The following RBFOX1 variants were observed in gnomAD, a reference collection of about 807,000 sequenced individuals.
RBFOX1 encodes the protein RNA binding protein fox-1 homolog 1.
In RBFOX1, 8 loss-of-function variants were observed where a neutral mutation model predicts 57.7. The observed-to-expected ratio is 0.14, with a 90% confidence interval of 0.08 to 0.25. The LOEUF is 0.25. Among genes scored for constraint, RBFOX1 ranks in the 10% least tolerant of loss-of-function variants. The pLI is 1.00. For missense variants in RBFOX1, 611 were observed against 548.5 expected, an observed-to-expected ratio of 1.11 and a Z score of -1.14; for synonymous variants, 326 against 222.4, an observed-to-expected ratio of 1.47 and a Z score of -4.15.
At chr16:5,738,700 C>G (rs1201574641) in intron 3 of RBFOX1, among the ~76,000 whole-genome samples, 2 of 148,878 alleles carry the variant, frequency 1.3e-5, no homozygotes, top group African/African-American at 4.9e-5. Context: ...TGATTTCAGT[C>G]TGACTGCAGG....
intron 1 of RBFOX1, among the ~76,000 whole-genome samples, chr16:5,262,819 C>G (rs1455347902): frequency 6.6e-5 from 10 of 152,058 alleles, no homozygotes; most frequent in Admixed American, 5.2e-4. Flanking sequence ...TGAAAATATT[C>G]AAGAGGTGAA....
intron 1 of RBFOX1, among the ~76,000 whole-genome samples, chr16:5,432,555 G>GT (rs1567502943): frequency 2.3e-4 from 17 of 75,528 alleles, no homozygotes; most frequent in East Asian, 3.9e-4. Context: ...TTTTTTGTTT[G>GT]TTTGTTTTTT....
chr16:7,351,985 G>T (rs545770317), intron 4 of RBFOX1, among the ~76,000 whole-genome samples: 1 of 152,284 alleles, frequency 6.6e-6, no homozygotes, highest in South Asian at 2.1e-4. Context: ...AAAGGAAGGA[G>T]GGGCTCCTGC....
intron 2 of RBFOX1, among the ~76,000 whole-genome samples, chr16:6,396,391 A>C (rs547223100): frequency 6.6e-6 from 1 of 152,294 alleles, no homozygotes; most frequent in South Asian, 2.1e-4. Context: ...GAAATAAAAG[A>C]CAGATGTCCA....
At chr16:6,554,179 C>T (rs1466058986) in intron 2 of RBFOX1, among the ~76,000 whole-genome samples, 2 of 152,174 alleles carry the variant, frequency 1.3e-5, no homozygotes, top group African/African-American at 4.8e-5. Context: ...TATGTGGTAG[C>T]TCTAGGGGTT....
intron 2 of RBFOX1, among the ~76,000 whole-genome samples, chr16:5,591,359 C>T (rs950631298): frequency 2.0e-5 from 3 of 150,738 alleles, no homozygotes; most frequent in African/African-American, 7.3e-5. Flanking sequence ...TCAAGTGATT[C>T]TCCTGCCTCA....
intron 2 of RBFOX1, among the ~76,000 whole-genome samples, chr16:5,597,075 C>T (rs918490472): frequency 6.6e-6 from 1 of 152,186 alleles, no homozygotes; most frequent in Non-Finnish European, 1.5e-5. Context: ...AAACGATGTA[C>T]AGAAACAGAA....
chr16:6,653,237 C>T (rs1477230081), intron 2 of RBFOX1, among the ~76,000 whole-genome samples: 1 of 152,120 alleles, frequency 6.6e-6, no homozygotes, highest in African/African-American at 2.4e-5. Flanking sequence ...TTTCCCACCC[C>T]CTTCTCCTTG....
chr16:7,158,864 T>C (rs2077696153), intron 4 of RBFOX1, among the ~76,000 whole-genome samples: 1 of 152,142 alleles, frequency 6.6e-6, no homozygotes, highest in African/African-American at 2.4e-5. Context: ...CATGTGTGTG[T>C]ATGGTTTCTG....
chr16:6,738,617 A>G (rs985253709), intron 3 of RBFOX1, among the ~76,000 whole-genome samples: 4 of 152,198 alleles, frequency 2.6e-5, no homozygotes, highest in African/African-American at 9.7e-5. Context: ...AGAAGAACTC[A>G]CCACCATCAA....
intron 3 of RBFOX1, among the ~76,000 whole-genome samples, chr16:5,729,923 C>T (rs2052300574): frequency 6.6e-6 from 1 of 152,234 alleles, no homozygotes; most frequent in Non-Finnish European, 1.5e-5. Flanking sequence ...GAAGCTGCTT[C>T]TCTTGCTGCA....
At chr16:7,601,310 A>G (rs2095010626) in intron 9 of RBFOX1, among the ~76,000 whole-genome samples, 1 of 152,194 alleles carries the variant, frequency 6.6e-6, no homozygotes, top group South Asian at 2.1e-4. Context: ...TCTTTGTGAT[A>G]ATTATGAGAG....
Position 6,147,239 on chromosome 16 carries a change from C to G in RBFOX1, c.-127+127247C>G, listed in dbSNP as rs138772080. 3.5e-4 allele frequency among the ~76,000 whole-genome samples: 53 copies of G among 152,310 alleles called. No individual in the cohort carries two copies. In the East Asian group the frequency reaches 8.5e-3, roughly 24 times the overall value. ...GCTGGCTGCATGCTCTCTTAGCGTCCTCTGCTGGCCGCTGTTGATGGTGGT... is the reference window on the plus strand; with the variant it reads ...GCTGGCTGCATGCTCTCTTAGCGTCGTCTGCTGGCCGCTGTTGATGGTGGT... On this transcript the variant is annotated intron_variant, in intron 1 of 15. Coordinates refer to ENST00000550418, the MANE Select transcript of RBFOX1 (RefSeq NM_018723.4).
intron 1 of RBFOX1, among the ~76,000 whole-genome samples, chr16:6,232,083 T>C (rs2097466217): frequency 6.6e-6 from 1 of 152,228 alleles, no homozygotes; most frequent in East Asian, 1.9e-4. Flanking sequence ...GTGAGCTTTG[T>C]GTTTCCCAGA....
chr16:7,295,511 T>G (rs191490538), intron 4 of RBFOX1, among the ~76,000 whole-genome samples: 1 of 152,264 alleles, frequency 6.6e-6, no homozygotes, highest in Admixed American at 6.5e-5. Context: ...TTTCAACAAC[T>G]TAGGAAGGAA....
chr16:5,935,582 T>C (rs2059152252), intron 4 of RBFOX1, among the ~76,000 whole-genome samples: 2 of 152,224 alleles, frequency 1.3e-5, no homozygotes, highest in Non-Finnish European at 1.5e-5. Context: ...ATCTGGGTTC[T>C]GGACTGGTTG....
At chr16:6,504,945 T>C (rs762690547) in intron 2 of RBFOX1, among the ~76,000 whole-genome samples, 9 of 150,618 alleles carry the variant, frequency 6.0e-5, no homozygotes, top group East Asian at 2.0e-4. Flanking sequence ...TAGTGGCAGG[T>C]GCCTGTAATC....
intron 1 of RBFOX1, among the ~76,000 whole-genome samples, chr16:6,225,867 C>G (rs989971477): frequency 5.9e-5 from 9 of 152,164 alleles, no homozygotes; most frequent in Admixed American, 5.9e-4. Context: ...TGATTTAATG[C>G]AAAAGCCTTT....
intron 1 of RBFOX1, among the ~76,000 whole-genome samples, chr16:6,179,865 G>A (rs1010680064): frequency 6.6e-6 from 1 of 152,266 alleles, no homozygotes; most frequent in South Asian, 2.1e-4. Flanking sequence ...GTAGTATTTT[G>A]TAGATGCCCT....
Sources: gnomAD v4.1 joint callset for allele counts (sites outside exome capture counted in the v4.1 genomes callset) on GRCh38, gnomAD v4.1.1 for gene constraint, MANE v1.5 for transcripts, NCBI Gene and HGNC (gene_info 2026-07-23, HGNC 2026-07-21) for gene names.